NFIB: variants seen among roughly 807,000 people sequenced by gnomAD.
The protein encoded by NFIB is nuclear factor 1 B-type.
NFIB carries 11 observed loss-of-function variants against 61.5 expected under a neutral mutation model. The observed-to-expected ratio is 0.18, with a 90% CI of 0.11 to 0.30. The LOEUF (loss-of-function observed/expected upper bound fraction) is 0.30, where lower values mean the gene tolerates loss of function less well. Among genes scored for constraint, NFIB ranks in the 10% least tolerant of loss-of-function variants. The pLI, the probability that NFIB is intolerant of heterozygous loss-of-function variation, is 1.00. For synonymous variants in NFIB, 260 were observed against 216.5 expected, an observed-to-expected ratio of 1.20 and a Z score of -1.76; for missense variants, 471 against 608.9, an observed-to-expected ratio of 0.77 and a Z score of 2.38.
rs200054648 is a variant in NFIB, at chr9:14,237,842, AGTGTGTGTGTGTGTGT to A, written c.563-58078_563-58063del. ...AGCTCCTCACCCTGCTAGGTATAAC[AGTGTGTGTGTGTGTGT>A]GTGTGTGTGTGTGTGTGTGTGTGTG... is the stretch of plus-strand genomic sequence containing the variant. On this transcript the variant is annotated intron_variant, in intron 2 of 10. Transcript: ENST00000380953. Among the ~76,000 whole-genome samples the A allele has an allele frequency of 5.9e-4, 31 of 52,538 alleles. 1 individual carries two copies. The highest frequency in any genetic ancestry group is 1.5e-3 in the African/African-American group (19 of 12,848). 34.5% of individuals were successfully genotyped at this position (52,538 alleles called of 152,430 possible). A position where few individuals can be genotyped will look rare whatever the true frequency, so the allele number is the denominator to read the frequency against.
the NFIB span, among the ~76,000 whole-genome samples, chr9:14,512,640 T>C: frequency 2.0e-5 from 3 of 152,290 alleles, no homozygotes; most frequent in African/African-American, 7.2e-5. Context: ...TTTAATGTAG[T>C]GCTGAGTTCA....
chr9:14,228,200 T>TC (rs942169829), intron 2 of NFIB, among the ~76,000 whole-genome samples: 3 of 142,182 alleles, frequency 2.1e-5, no homozygotes, highest in Non-Finnish European at 4.8e-5. Flanking sequence ...TATGATTCTT[T>TC]TTTTTTTTTT....
At chr9:14,156,363 T>C (rs10123886) in intron 3 of NFIB, among the ~76,000 whole-genome samples, 10,106 of 152,302 alleles carry the variant, frequency 0.066, 959 homozygotes, top group African/African-American at 0.21. Flanking sequence ...GAACTGCTGT[T>C]ACCAGCACCC....
At chr9:14,293,049 T>C (rs902976091) in intron 2 of NFIB, among the ~76,000 whole-genome samples, 16 of 152,256 alleles carry the variant, frequency 1.1e-4, no homozygotes, top group African/African-American at 3.6e-4. Flanking sequence ...TTGTTTGTAC[T>C]TTCCATGCAA....
At chr9:14,308,744 T>G (rs115871734) in intron 1 of NFIB, among the ~76,000 whole-genome samples, 1,704 of 152,350 alleles carry the variant, frequency 0.011, 35 homozygotes, top group African/African-American at 0.038. Flanking sequence ...AGTACCAATC[T>G]TTTGAATTAA....
chr9:14,399,462 GTCTC>G (rs929402546), upstream of NFIB, among the ~76,000 whole-genome samples: 6 of 152,234 alleles, frequency 3.9e-5, no homozygotes, highest in Non-Finnish European at 8.8e-5. Context: ...TTATTAGTGA[GTCTC>G]TCTTTTAGTT....
At chr9:14,244,038 A>G (rs1402870905) in intron 2 of NFIB, among the ~76,000 whole-genome samples, 1 of 152,228 alleles carries the variant, frequency 6.6e-6, no homozygotes, top group Non-Finnish European at 1.5e-5. Flanking sequence ...GGTAATACTA[A>G]TCTATCATAC....
intron 2 of NFIB, among the ~76,000 whole-genome samples, chr9:14,266,509 T>A (rs2057212310): frequency 6.6e-6 from 1 of 152,008 alleles, no homozygotes; most frequent in Admixed American, 6.6e-5. Flanking sequence ...GCAGGAGGAT[T>A]TCACGAGCCA....
chr9:14,318,920 G>A (rs2060601725), upstream of NFIB, among the ~76,000 whole-genome samples: 1 of 152,070 alleles, frequency 6.6e-6, no homozygotes, highest in African/African-American at 2.4e-5. Context: ...TACTACTACT[G>A]TCTACTACTC....
chr9:14,126,185 T>A (rs2039622588), intron 6 of NFIB, among the ~76,000 whole-genome samples: 1 of 152,222 alleles, frequency 6.6e-6, no homozygotes, highest in South Asian at 2.1e-4. Context: ...TTGGTCACGA[T>A]ATCACTGATT....
At chr9:14,406,823 G>A in the NFIB span, among the ~76,000 whole-genome samples, 47 of 152,296 alleles carry the variant, frequency 3.1e-4, no homozygotes, top group African/African-American at 1.1e-3. Context: ...GAAGTCCAAT[G>A]TTGAAAACAT....
chr9:14,296,728 A>G (rs1160185369), intron 2 of NFIB, among the ~76,000 whole-genome samples: 2 of 152,232 alleles, frequency 1.3e-5, no homozygotes, highest in Non-Finnish European at 2.9e-5. Flanking sequence ...ACTGGGAGAA[A>G]TAAGCTTTAG....
At chr9:14,404,162 C>T in the NFIB span, among the ~76,000 whole-genome samples, 2 of 152,240 alleles carry the variant, frequency 1.3e-5, no homozygotes, top group East Asian at 3.9e-4. Flanking sequence ...GTGGTGTGGT[C>T]CATCTATCTA....
the NFIB span, among the ~76,000 whole-genome samples, chr9:14,475,649 C>A: frequency 5.3e-5 from 8 of 152,082 alleles, no homozygotes; most frequent in Admixed American, 5.2e-4. Context: ...TGACATGTCC[C>A]ATCTCCTTGA....
chr9:14,328,732 A>G (rs904843047), intron 1 of NFIB, among the ~76,000 whole-genome samples: 3 of 152,108 alleles, frequency 2.0e-5, no homozygotes, highest in African/African-American at 4.8e-5. Flanking sequence ...ATATTAGTGA[A>G]TGGTCACAAA....
intron 3 of NFIB, among the ~76,000 whole-genome samples, chr9:14,177,257 T>G (rs2046294280): frequency 6.6e-6 from 1 of 152,202 alleles, no homozygotes; most frequent in African/African-American, 2.4e-5. Flanking sequence ...AGATAAATTA[T>G]GTCCTAAAAT....
chr9:14,460,378 G>A, the NFIB span, among the ~76,000 whole-genome samples: 5 of 143,874 alleles, frequency 3.5e-5, no homozygotes, highest in South Asian at 1.3e-3. Flanking sequence ...CGGGGTGGGG[G>A]GAGGGAGAAG....
At chr9:14,192,222 G>T (rs2048023279) in intron 2 of NFIB, among the ~76,000 whole-genome samples, 1 of 152,174 alleles carries the variant, frequency 6.6e-6, no homozygotes, top group African/African-American at 2.4e-5. Flanking sequence ...TAACAAGATT[G>T]TTCATGGATA....
At chr9:14,351,693 A>G (rs1588353131) in intron 1 of NFIB, among the ~76,000 whole-genome samples, 1 of 152,218 alleles carries the variant, frequency 6.6e-6, no homozygotes, top group African/African-American at 2.4e-5. Flanking sequence ...GATGAACTCA[A>G]ACTTAAGAAG....
Sources: allele counts gnomAD v4.1 joint callset (sites outside exome capture counted in the v4.1 genomes callset), GRCh38; gene constraint gnomAD v4.1.1; transcripts MANE v1.5; gene names NCBI Gene and HGNC (gene_info 2026-07-23, HGNC 2026-07-21).